The following PIP4K2A variants were observed in gnomAD, a reference collection of about 807,000 sequenced individuals.
The protein encoded by PIP4K2A is phosphatidylinositol-5-phosphate 4-kinase type 2 alpha.
Under a neutral mutation model 42.9 loss-of-function variants are expected in PIP4K2A, and 14 were observed. The observed-to-expected ratio is 0.33, with a 90% CI of 0.22 to 0.51. The LOEUF (loss-of-function observed/expected upper bound fraction) is 0.51. Among genes scored for constraint, PIP4K2A ranks in the 20% least tolerant of loss-of-function variants. PIP4K2A has a pLI of 0.97. For synonymous variants in PIP4K2A, 192 were observed against 192.2 expected, an observed-to-expected ratio of 1.00 and a Z score of 0.01; for missense variants, 434 against 519.8, an observed-to-expected ratio of 0.83 and a Z score of 1.61.
intron 1 of PIP4K2A, chr10:22,646,218 C>T (rs1838878339): frequency 6.6e-6 from 1 of 152,290 alleles, no homozygotes; most frequent in East Asian, 1.9e-4. Flanking sequence ...CAAGAACCCA[C>T]CTTTGGGGAT....
intron 6 of PIP4K2A, among the ~76,000 whole-genome samples, chr10:22,552,715 A>C (rs566507709): frequency 6.6e-6 from 1 of 152,316 alleles, no homozygotes; most frequent in African/African-American, 2.4e-5. Context: ...CCTACACACA[A>C]AAACAGGAGA....
intron 1 of PIP4K2A, among the ~76,000 whole-genome samples, chr10:22,657,192 C>T (rs1250464370): frequency 6.6e-6 from 1 of 152,190 alleles, no homozygotes; most frequent in Non-Finnish European, 1.5e-5. Context: ...AGAACATTCT[C>T]AGAAGCACCA....
chr10:22,677,380 A>AT (rs1250547900), intron 1 of PIP4K2A, among the ~76,000 whole-genome samples: 9 of 152,188 alleles, frequency 5.9e-5, no homozygotes, highest in African/African-American at 2.2e-4. Flanking sequence ...TTACACAGAG[A>AT]TAGGGCTAGC....
intron 4 of PIP4K2A, among the ~76,000 whole-genome samples, chr10:22,574,304 C>T (rs950117083): frequency 6.6e-6 from 1 of 152,170 alleles, no homozygotes; most frequent in African/African-American, 2.4e-5. Context: ...TGTGCAATCT[C>T]CAGGATAATA....
At chr10:22,549,359 T>C (rs973224251) in intron 7 of PIP4K2A, among the ~76,000 whole-genome samples, 1 of 151,866 alleles carries the variant, frequency 6.6e-6, no homozygotes, top group Non-Finnish European at 1.5e-5. Flanking sequence ...TTCTTTTTTT[T>C]TTTTTGGTTT....
intron 1 of PIP4K2A, among the ~76,000 whole-genome samples, chr10:22,652,425 T>A (rs1053565562): frequency 2.0e-5 from 3 of 152,146 alleles, no homozygotes; most frequent in Admixed American, 2.0e-4. Context: ...CAGGCCTCAA[T>A]TTTTAACTAT....
chr10:22,580,871 C>T (rs1224427950), intron 4 of PIP4K2A, among the ~76,000 whole-genome samples: 1 of 152,204 alleles, frequency 6.6e-6, no homozygotes, highest in Non-Finnish European at 1.5e-5. Context: ...ATGGTAATGT[C>T]TCGCTTTACA....
chr10:22,548,744 G>GT (rs1836316517), intron 7 of PIP4K2A, among the ~76,000 whole-genome samples: 1 of 152,174 alleles, frequency 6.6e-6, no homozygotes, highest in African/African-American at 2.4e-5. Flanking sequence ...CGTTTTGTTT[G>GT]TTTGAAGTAG....
intron 1 of PIP4K2A, among the ~76,000 whole-genome samples, chr10:22,688,434 A>G (rs924458530): frequency 1.5e-4 from 23 of 152,166 alleles, no homozygotes; most frequent in African/African-American, 5.1e-4. Context: ...GGAAAACCAC[A>G]AAGTATCTAA....
chr10:22,536,083 C>T lies in PIP4K2A; in HGVS notation c.*1118G>A, dbSNP rs1013685091. Reference sequence around the variant, plus strand: ...AAATTTTTAGATTCAAAAGATATCCCTGTTTTCCTAATAATGTAAACAGTA... The same window carrying T: ...AAATTTTTAGATTCAAAAGATATCCTTGTTTTCCTAATAATGTAAACAGTA... On this transcript the variant is annotated 3_prime_UTR_variant, in exon 10 of 10. Coordinates refer to ENST00000376573, the MANE Select transcript of PIP4K2A (RefSeq NM_005028.5). 5.0e-6 allele frequency: 2 copies of T among 398,516 alleles called. No homozygotes were observed. Among genetic ancestry groups the T allele is most frequent in the Non-Finnish European group, 4.4e-6 (1 of 226,022 alleles). The allele number at this position is 398,516 out of a possible 1,614,324, so 24.7% of individuals were successfully genotyped here. A position where few individuals can be genotyped will look rare whatever the true frequency, so the allele number is the denominator to read the frequency against.
At chr10:22,551,492 T>G (rs1836409772) in intron 6 of PIP4K2A, among the ~76,000 whole-genome samples, 2 of 152,198 alleles carry the variant, frequency 1.3e-5, no homozygotes, top group African/African-American at 4.8e-5. Context: ...CACAAAGCAA[T>G]GAGCAACTAT....
chr10:22,703,721 G>A (rs1833758421), intron 1 of PIP4K2A, among the ~76,000 whole-genome samples: 1 of 152,242 alleles, frequency 6.6e-6, no homozygotes, highest in Non-Finnish European at 1.5e-5. Flanking sequence ...TGCCACTGCT[G>A]CAGACAAGGT....
intron 1 of PIP4K2A, among the ~76,000 whole-genome samples, chr10:22,664,049 ATATGTATATATACATATATATATATACG>A (rs1564459677): frequency 6.2e-5 from 5 of 81,096 alleles, no homozygotes; most frequent in African/African-American, 5.4e-4. Context: ...ATATATATAC[ATATGTATATATACATATATATATATACG>A]TATATATATA....
chr10:22,656,323 C>G (rs184151061), intron 1 of PIP4K2A, among the ~76,000 whole-genome samples: 172 of 152,164 alleles, frequency 1.1e-3, no homozygotes, highest in African/African-American at 4.0e-3. Flanking sequence ...GGGAACTGTG[C>G]CTAAAAAAAA....
At chr10:22,540,343 G>A (rs1244310023) in intron 8 of PIP4K2A, among the ~76,000 whole-genome samples, 1 of 151,666 alleles carries the variant, frequency 6.6e-6, no homozygotes, top group Non-Finnish European at 1.5e-5. Context: ...CAACAGTGGA[G>A]ATCCAACGGT....
At chr10:22,547,967 G>A (rs754540882) in intron 7 of PIP4K2A, among the ~76,000 whole-genome samples, 1 of 152,202 alleles carries the variant, frequency 6.6e-6, no homozygotes, top group African/African-American at 2.4e-5. Flanking sequence ...GATTTCTTGA[G>A]CTGTAATACA....
chr10:22,567,556 C>T (rs1049866401), intron 6 of PIP4K2A: 3 of 626,506 alleles, frequency 4.8e-6, no homozygotes, highest in Admixed American at 4.3e-5. Context: ...GTGCCATTTT[C>T]GATTATAGGT....
chr10:22,609,617 T>TAC lies in PIP4K2A; in HGVS notation c.242+1_242+2dup. ...TCTTATGAAAGGTCATACTTGTACTTACTTGTTAAAAAGGTGATTGTCCAC... is the reference window on the plus strand; with the variant it reads ...TCTTATGAAAGGTCATACTTGTACTTACACTTGTTAAAAAGGTGATTGTCCAC... On this transcript the variant is annotated splice_region_variant and intron_variant, in intron 2 of 9. Coordinates refer to ENST00000376573, the MANE Select transcript of PIP4K2A (RefSeq NM_005028.5). 2 of 1,514,344 alleles carry TAC rather than the reference T, an allele frequency of 1.3e-6. No homozygotes were observed. 93.8% of individuals were successfully genotyped at this position (1,514,344 alleles called of 1,614,324 possible).
intron 1 of PIP4K2A, among the ~76,000 whole-genome samples, chr10:22,616,120 G>A (rs1397657951): frequency 1.3e-5 from 2 of 152,178 alleles, no homozygotes; most frequent in South Asian, 2.1e-4. Flanking sequence ...AGGGTCAAAC[G>A]GGGCGGAGAG....
Sources: allele counts gnomAD v4.1 joint callset (sites outside exome capture counted in the v4.1 genomes callset), GRCh38; gene constraint gnomAD v4.1.1; transcripts MANE v1.5; gene names NCBI Gene and HGNC (gene_info 2026-07-23, HGNC 2026-07-21).